MARCHF1: variants seen among roughly 807,000 people sequenced by gnomAD.
MARCHF1 encodes E3 ubiquitin-protein ligase MARCHF1.
Under a neutral mutation model 54.2 loss-of-function variants are expected in MARCHF1, and 40 were observed. That is an observed-to-expected ratio of 0.74 (90% CI 0.57 to 0.96). The LOEUF is 0.96. MARCHF1 is among the 40% of genes least tolerant of loss of function. MARCHF1 has a pLI of 0.00. For synonymous variants in MARCHF1, 236 were observed against 236.3 expected (o/e 1.00, Z 0.01); for missense variants, 586 against 656.5 (o/e 0.89, Z 1.17).
At chr4:164,174,895 G>GT (rs569770486) in intron 1 of MARCHF1, among the ~76,000 whole-genome samples, 131 of 151,928 alleles carry the variant, frequency 8.6e-4, no homozygotes, top group Non-Finnish European at 1.6e-3. Context: ...GGGGAAGAGA[G>GT]TTTTTTTTGT....
chr4:163,643,158 CAA>C (rs34228966), intron 5 of MARCHF1, among the ~76,000 whole-genome samples: 38,025 of 103,850 alleles, frequency 0.37, 6,057 homozygotes, highest in Non-Finnish European at 0.48. Flanking sequence ...ACTATAAATA[CAA>C]AAAAAAAAAA....
chr4:163,801,555 C>T (rs889316206), intron 4 of MARCHF1, among the ~76,000 whole-genome samples: 3 of 152,044 alleles, frequency 2.0e-5, no homozygotes, highest in African/African-American at 4.8e-5. Flanking sequence ...ATCATAACAT[C>T]AGTAATGTGT....
At chr4:163,879,208 G>A (rs1365865637) in intron 3 of MARCHF1, among the ~76,000 whole-genome samples, 1 of 152,088 alleles carries the variant, frequency 6.6e-6, no homozygotes, top group Non-Finnish European at 1.5e-5. Flanking sequence ...GCCTATTGAG[G>A]GGAAGCATGC....
chr4:163,838,727 C>G (rs1749259504), intron 4 of MARCHF1, among the ~76,000 whole-genome samples: 1 of 152,066 alleles, frequency 6.6e-6, no homozygotes, highest in Admixed American at 6.5e-5. Context: ...TGGATCTCTA[C>G]TTCACACCAT....
intron 2 of MARCHF1, among the ~76,000 whole-genome samples, chr4:164,015,782 G>A (rs1166043977): frequency 1.3e-5 from 2 of 151,858 alleles, no homozygotes; most frequent in Non-Finnish European, 2.9e-5. Context: ...AGTTAAAATG[G>A]CTTATATCCG....
At chr4:163,604,696 A>T (rs1422784817) in intron 7 of MARCHF1, among the ~76,000 whole-genome samples, 1 of 152,132 alleles carries the variant, frequency 6.6e-6, no homozygotes, top group Non-Finnish European at 1.5e-5. Context: ...TTGATAAGGA[A>T]GTCCATGATT....
chr4:164,220,617 A>G (rs1281279792), intron 1 of MARCHF1, among the ~76,000 whole-genome samples: 1 of 146,030 alleles, frequency 6.8e-6, no homozygotes, highest in Admixed American at 7.0e-5. Flanking sequence ...TATGCTATAT[A>G]TGCATATATG....
chr4:164,227,605 T>C (rs1444970373), intron 1 of MARCHF1, among the ~76,000 whole-genome samples: 1 of 152,128 alleles, frequency 6.6e-6, no homozygotes, highest in Non-Finnish European at 1.5e-5. Flanking sequence ...TTTACCTCAG[T>C]GATATTTTAT....
chr4:164,078,079 C>T (rs1278604727), intron 2 of MARCHF1, among the ~76,000 whole-genome samples: 2 of 152,120 alleles, frequency 1.3e-5, no homozygotes, highest in Non-Finnish European at 2.9e-5. Flanking sequence ...GACACATGCA[C>T]ACGTATGTTT....
At chr4:163,688,802 T>C (rs1744352272) in intron 5 of MARCHF1, among the ~76,000 whole-genome samples, 1 of 152,172 alleles carries the variant, frequency 6.6e-6, no homozygotes, top group African/African-American at 2.4e-5. Context: ...ACTATAATGA[T>C]GGACGGATAG....
intron 4 of MARCHF1, among the ~76,000 whole-genome samples, chr4:163,755,553 G>A (rs916636816): frequency 8.6e-5 from 13 of 151,544 alleles, no homozygotes; most frequent in Non-Finnish European, 1.6e-4. Context: ...GTCTTGTTGG[G>A]TATGACACTA....
At chr4:163,999,692 A>T (rs1753148425) in intron 2 of MARCHF1, among the ~76,000 whole-genome samples, 1 of 151,622 alleles carries the variant, frequency 6.6e-6, no homozygotes, top group Non-Finnish European at 1.5e-5. Context: ...TGGCAACATT[A>T]ATTGCTATTT....
chr4:164,287,000 G>T (rs1734166927), intron 1 of MARCHF1, among the ~76,000 whole-genome samples: 1 of 149,778 alleles, frequency 6.7e-6, no homozygotes, highest in African/African-American at 2.4e-5. Context: ...TATTCCTGGG[G>T]TTCAGATGCA....
intron 1 of MARCHF1, among the ~76,000 whole-genome samples, chr4:164,226,592 G>A (rs1289694675): frequency 6.6e-6 from 1 of 151,880 alleles, no homozygotes; most frequent in Non-Finnish European, 1.5e-5. Context: ...TAAAAGATAT[G>A]TAATATTTAT....
intron 4 of MARCHF1, among the ~76,000 whole-genome samples, chr4:163,736,985 G>A (rs972798999): frequency 2.0e-5 from 3 of 152,046 alleles, no homozygotes; most frequent in African/African-American, 7.2e-5. Flanking sequence ...ATCTCTGAGG[G>A]AAACTTCTAC....
rs538977470 is a variant in MARCHF1 at position 164,076,446 on chromosome 4, C to A, written c.-248+35142G>T. On this transcript the variant is annotated intron_variant, in intron 2 of 9. Transcript: ENST00000514618. ...CACAGCCAATATCATATTTAATGGG[C>A]AAATTTGGAAGCATTCCCTTTGAAA... Among the ~76,000 whole-genome samples the A allele has an allele frequency of 1.7e-3, 253 of 152,164 alleles. 1 individual carries two copies. Among genetic ancestry groups the A allele is most frequent in the African/African-American group, 5.7e-3 (236 of 41,514 alleles).
At chr4:164,241,482 TC>T (rs998152592) in intron 1 of MARCHF1, among the ~76,000 whole-genome samples, 15 of 152,168 alleles carry the variant, frequency 9.9e-5, no homozygotes, top group African/African-American at 3.4e-4. Flanking sequence ...TGCCTTCCCT[TC>T]CCAGTATACA....
chr4:164,374,697 C>G (rs913840255), intron 1 of MARCHF1, among the ~76,000 whole-genome samples: 5 of 152,034 alleles, frequency 3.3e-5, no homozygotes, highest in Non-Finnish European at 7.4e-5. Context: ...CAAATTGATT[C>G]CCCCATCTCT....
At chr4:163,671,617 G>A (rs180675722) in intron 5 of MARCHF1, among the ~76,000 whole-genome samples, 65 of 152,122 alleles carry the variant, frequency 4.3e-4, no homozygotes, top group African/African-American at 1.1e-3. Flanking sequence ...TTCCCTTAGC[G>A]TTAATTTTTA....
Sources: allele counts gnomAD v4.1 joint callset (sites outside exome capture counted in the v4.1 genomes callset), GRCh38; gene constraint gnomAD v4.1.1; transcripts MANE v1.5; gene names NCBI Gene and HGNC (gene_info 2026-07-23, HGNC 2026-07-21).